The following CEP85L variants were observed in gnomAD, a reference collection of about 807,000 sequenced individuals.
The protein encoded by CEP85L is centrosomal protein 85L.
In CEP85L, 60 loss-of-function variants were observed where a neutral mutation model predicts 100.3. The ratio of observed to expected loss-of-function variants is 0.60; its 90% confidence interval spans 0.49 to 0.74. CEP85L has a LOEUF of 0.74. CEP85L is among the 30% of genes least tolerant of loss of function. The probability of loss-of-function intolerance (pLI) is 0.00; values close to 1 mark genes in which losing one functional copy is unlikely to be tolerated. For synonymous variants in CEP85L, 319 were observed against 322.7 expected (o/e 0.99, Z 0.12); for missense variants, 973 against 936.2 (o/e 1.04, Z -0.51).
At chr6:118,518,839 A>G (rs1487653229) in intron 4 of CEP85L, among the ~76,000 whole-genome samples, 1 of 152,148 alleles carries the variant, frequency 6.6e-6, no homozygotes, top group South Asian at 2.1e-4. Context: ...TCAATTTTAG[A>G]TCTTTCCTGC....
intron 2 of CEP85L, among the ~76,000 whole-genome samples, chr6:118,601,048 C>T (rs1437110265): frequency 6.6e-6 from 1 of 152,152 alleles, no homozygotes; most frequent in Non-Finnish European, 1.5e-5. Context: ...TACATATTAT[C>T]TTTGTTCATC....
rs9481831 is a variant in CEP85L, at chr6:118,595,000, T to C, written c.233-28684A>G. 4.2e-3 allele frequency among the ~76,000 whole-genome samples: 635 copies of C among 152,234 alleles called. 3 individuals are homozygous for C. Among genetic ancestry groups the C allele is most frequent in the African/African-American group, 0.015 (606 of 41,518 alleles). ...CCTGAGGAAGGTTACGAGCCAAGCC[T>C]AAGCAAAAAGTAAGTTTCTTTTTTT... is the stretch of plus-strand genomic sequence containing the variant. On this transcript the variant is annotated intron_variant, in intron 2 of 12. Coordinates refer to ENST00000368491, the MANE Select transcript of CEP85L (RefSeq NM_001042475.3).
intron 5 of CEP85L, chr6:118,501,774 CATCTCACAG>C (rs1775317481): frequency 4.2e-6 from 4 of 948,608 alleles, no homozygotes; most frequent in African/African-American, 1.6e-5. Flanking sequence ...ACAGAACAGA[CATCTCACAG>C]AGTGGGGAGG....
At position 118,672,221 on chromosome 6, in the gene CEP85L, A is replaced by T. The variant is rs138418236; in HGVS notation, c.-27-19413T>A. ...CTAGCTAATTTTCATATTTTTTAGTAGAGATGGGGTTTTGCCACGTTGGCC... is the reference window on the plus strand; with the variant it reads ...CTAGCTAATTTTCATATTTTTTAGTTGAGATGGGGTTTTGCCACGTTGGCC... On this transcript the variant is annotated intron_variant, in intron 1 of 13. Coordinates refer to the CEP85L transcript ENST00000368488. Among the ~76,000 whole-genome samples, 101 of 152,138 alleles carry T rather than the reference A, an allele frequency of 6.6e-4. 1 individual carries two copies. The East Asian group carries it at 0.018, about 27-fold the overall frequency.
rs532354859 is a variant in CEP85L at position 118,552,314 on chromosome 6, C to T, written c.1020+13215G>A. Among the ~76,000 whole-genome samples the T allele has an allele frequency of 3.9e-5, 6 of 152,128 alleles. No homozygotes were observed. In the East Asian group the frequency reaches 9.6e-4, roughly 24 times the overall value. On this transcript the variant is annotated intron_variant, in intron 3 of 12. Transcript: ENST00000368491. ...CAAAAATACTGAAGTTTGAGAAGTT[C>T]TGCAAGAAGTGAACATACTTAAAGT...
chr6:118,651,693 ACT>A, upstream of CEP85L: 1 of 305,130 alleles, frequency 3.3e-6, no homozygotes, highest in Non-Finnish European at 4.0e-6. Flanking sequence ...CGGGGCGGGG[ACT>A]GCGGGGGGCG....
At chr6:118,590,533 T>C (rs766950678) in intron 2 of CEP85L, among the ~76,000 whole-genome samples, 1 of 152,120 alleles carries the variant, frequency 6.6e-6, no homozygotes, top group Middle Eastern at 3.2e-3. Context: ...GGACCCTTTT[T>C]TTGGCGGGTT....
chr6:118,662,326 T>C (rs1334031640), intron 1 of CEP85L, among the ~76,000 whole-genome samples: 1 of 151,938 alleles, frequency 6.6e-6, no homozygotes, highest in Non-Finnish European at 1.5e-5. Flanking sequence ...GGTCAGGAGT[T>C]CGAGACCAGC....
chr6:118,658,486 C>T (rs967613635), intron 1 of CEP85L, among the ~76,000 whole-genome samples: 2 of 152,022 alleles, frequency 1.3e-5, no homozygotes, highest in Non-Finnish European at 2.9e-5. Context: ...TCCTGCCGTC[C>T]TTATAATCTC....
At chr6:118,477,720 G>A (rs1773489012) in intron 10 of CEP85L, among the ~76,000 whole-genome samples, 1 of 152,076 alleles carries the variant, frequency 6.6e-6, no homozygotes, top group Admixed American at 6.6e-5. Context: ...ATAGTACCAA[G>A]TTATCTTTGT....
At chr6:118,662,493 G>A (rs1397768450) in intron 1 of CEP85L, among the ~76,000 whole-genome samples, 2 of 150,906 alleles carry the variant, frequency 1.3e-5, no homozygotes, top group Non-Finnish European at 2.9e-5. Context: ...TCGCGCCACT[G>A]CATTCCAGGC....
At chr6:118,621,119 C>A (rs1034703541) in intron 2 of CEP85L, among the ~76,000 whole-genome samples, 1 of 152,116 alleles carries the variant, frequency 6.6e-6, no homozygotes, top group Non-Finnish European at 1.5e-5. Flanking sequence ...TGGCCTGAAG[C>A]TCATAAAGGA....
At chr6:118,600,033 T>C (rs1158514761) in intron 2 of CEP85L, among the ~76,000 whole-genome samples, 1 of 152,010 alleles carries the variant, frequency 6.6e-6, no homozygotes, top group East Asian at 1.9e-4. Context: ...ATAAAGTCTA[T>C]GGTTAAAAAA....
chr6:118,594,738 C>G (rs1304656382), intron 2 of CEP85L, among the ~76,000 whole-genome samples: 1 of 151,552 alleles, frequency 6.6e-6, no homozygotes, highest in Non-Finnish European at 1.5e-5. Flanking sequence ...CGCCTGTAGT[C>G]CCAGCTACTC....
In CEP85L at chr6:118,462,089, G is replaced by C. The variant is rs191486337; in HGVS notation, c.*3316C>G. ...ACTTTATAAGCTCCTTAGTATATCAGAAATGTATGACATTCATTTTAGCAA... is the reference window on the plus strand; with the variant it reads ...ACTTTATAAGCTCCTTAGTATATCACAAATGTATGACATTCATTTTAGCAA... On this transcript the variant is annotated 3_prime_UTR_variant, in exon 13 of 13. Coordinates refer to ENST00000368491, the MANE Select transcript of CEP85L (RefSeq NM_001042475.3). 2.0e-5 allele frequency: 3 copies of C among 152,048 alleles called. No homozygotes were observed. The highest frequency in any genetic ancestry group is 6.5e-5 in the Admixed American group (1 of 15,278). The allele number at this position is 152,048 out of a possible 1,614,324, so 9.4% of individuals were successfully genotyped here.
intron 2 of CEP85L, among the ~76,000 whole-genome samples, chr6:118,591,509 G>A (rs982528479): frequency 5.3e-5 from 8 of 152,158 alleles, no homozygotes; most frequent in African/African-American, 1.2e-4. Context: ...CCAATCAGAC[G>A]TCTGCATAGG....
intron 1 of CEP85L, among the ~76,000 whole-genome samples, chr6:118,662,777 A>C (rs975879523): frequency 2.0e-5 from 3 of 152,200 alleles, no homozygotes; most frequent in African/African-American, 7.2e-5. Flanking sequence ...GTGCAAAGGA[A>C]TGATAAACAT....
chr6:118,621,287 C>T (rs1440997407), intron 2 of CEP85L, among the ~76,000 whole-genome samples: 1 of 152,158 alleles, frequency 6.6e-6, no homozygotes, highest in Non-Finnish European at 1.5e-5. Flanking sequence ...CCTTTATATG[C>T]TGCTGTACCC....
chr6:118,564,651 C>T (rs963049007), intron 3 of CEP85L, among the ~76,000 whole-genome samples: 1 of 152,082 alleles, frequency 6.6e-6, no homozygotes, highest in African/African-American at 2.4e-5. Context: ...CCTTTCATAG[C>T]CTATGTTCAT....
Sources: gnomAD v4.1 joint callset for allele counts (sites outside exome capture counted in the v4.1 genomes callset) on GRCh38, gnomAD v4.1.1 for gene constraint, MANE v1.5 for transcripts, NCBI Gene and HGNC (gene_info 2026-07-23, HGNC 2026-07-21) for gene names.